TRIM2: variants seen among roughly 807,000 people sequenced by gnomAD.
TRIM2 encodes the protein tripartite motif containing 2.
In TRIM2, 20 loss-of-function variants were observed where a neutral mutation model predicts 75.2. The ratio of observed to expected loss-of-function variants is 0.27; its 90% CI spans 0.19 to 0.39. TRIM2 has a LOEUF of 0.39. Ranked by LOEUF, TRIM2 falls within the 10% of genes least tolerant of loss-of-function variation. TRIM2 has a pLI of 1.00. For synonymous variants in TRIM2, 373 were observed against 388.3 expected (o/e 0.96, Z 0.46); for missense variants, 660 against 990.8 (o/e 0.67, Z 4.48).
chr4:153,268,744 T>G (rs1423333154), intron 1 of TRIM2, among the ~76,000 whole-genome samples: 1 of 152,182 alleles, frequency 6.6e-6, no homozygotes, highest in East Asian at 1.9e-4. Context: ...TCTCTTGTGC[T>G]CTCAAACTCT....
rs369667879 is a variant in TRIM2, at chr4:153,318,225, A to G, written c.1782+2226A>G. ...GAATTCTAAAGATTACTCAAAGTGT[A>G]CTTATTGGTTTCTTTCTGGAAGAAT... On this transcript the variant is annotated intron_variant, in intron 8 of 11. Coordinates refer to ENST00000338700, the MANE Select transcript of TRIM2 (RefSeq NM_015271.5). Among the ~76,000 whole-genome samples the G allele has an allele frequency of 1.1e-4, 17 of 152,282 alleles. 1 individual carries two copies. Among genetic ancestry groups the G allele is most frequent in the Admixed American group, 6.5e-5 (1 of 15,290 alleles).
intron 11 of TRIM2, among the ~76,000 whole-genome samples, chr4:153,331,772 T>C (rs1040183846): frequency 6.6e-6 from 1 of 152,232 alleles, no homozygotes; most frequent in Non-Finnish European, 1.5e-5. Context: ...TAATCAAGGC[T>C]ATGTAATATG....
chr4:153,231,281 C>T (rs1430580560), intron 1 of TRIM2, among the ~76,000 whole-genome samples: 6 of 152,050 alleles, frequency 3.9e-5, no homozygotes, highest in Non-Finnish European at 7.4e-5. Context: ...GTCATGTGAA[C>T]AAGACAATCA....
At chr4:153,329,554 G>C (rs1450564451) in intron 11 of TRIM2, among the ~76,000 whole-genome samples, 2 of 151,748 alleles carry the variant, frequency 1.3e-5, no homozygotes, top group Admixed American at 1.3e-4. Context: ...CGAAATTAAA[G>C]GCTGGGCGCT....
chr4:153,309,633 C>A (rs1216621002), intron 6 of TRIM2: 2 of 131,506 alleles, frequency 1.5e-5, no homozygotes, highest in African/African-American at 5.6e-5. Flanking sequence ...GCATTAACTT[C>A]TTTTTTTTTT....
intron 1 of TRIM2, among the ~76,000 whole-genome samples, chr4:153,153,584 C>G (rs1052466413): frequency 3.9e-5 from 6 of 152,258 alleles, no homozygotes; most frequent in African/African-American, 1.4e-4. Flanking sequence ...GCAGGCAGCC[C>G]CGTCCCGCCC....
At chr4:153,218,420 G>A (rs535865364) in intron 1 of TRIM2, among the ~76,000 whole-genome samples, 5 of 152,256 alleles carry the variant, frequency 3.3e-5, no homozygotes, top group African/African-American at 1.2e-4. Context: ...ACGTTGCCCA[G>A]GGTGGCCTCC....
chr4:153,294,264 G>A, intron 4 of TRIM2, 41 bp from the exon 5 acceptor site: 1 of 1,595,776 alleles, frequency 6.3e-7, no homozygotes, highest in Non-Finnish European at 8.5e-7. Flanking sequence ...GAATATTTCT[G>A]GGTTGAGGTT....
In TRIM2 at chr4:153,219,597, G is replaced by A. The variant is rs192063303; in HGVS notation, c.30+15037G>A. Among the ~76,000 whole-genome samples, 22 of 152,250 alleles carry A rather than the reference G, an allele frequency of 1.4e-4. 1 individual carries two copies. Among genetic ancestry groups the A allele is most frequent in the Non-Finnish European group, 2.4e-4 (16 of 68,004 alleles). ...AGAATTTTAAAAATGGGCCTAGAAC[G>A]GTAGCTTACGCCTGTAACTCAACAC... On this transcript the variant is annotated intron_variant, in intron 1 of 11. Transcript: ENST00000338700.
chr4:153,300,745 G>T (rs1187328656), intron 6 of TRIM2, among the ~76,000 whole-genome samples: 1 of 151,970 alleles, frequency 6.6e-6, no homozygotes, highest in Non-Finnish European at 1.5e-5. Flanking sequence ...GGATGGTCTT[G>T]ATCTCTTGAC....
intron 1 of TRIM2, among the ~76,000 whole-genome samples, chr4:153,230,565 T>C (rs148952611): frequency 4.6e-5 from 7 of 152,352 alleles, no homozygotes; most frequent in African/African-American, 1.7e-4. Flanking sequence ...GCATAACATA[T>C]TACCTTGTTG....
chr4:153,258,007 A>G (rs1476382668), intron 1 of TRIM2, among the ~76,000 whole-genome samples: 1 of 152,198 alleles, frequency 6.6e-6, no homozygotes, highest in Non-Finnish European at 1.5e-5. Context: ...TATTTTTACC[A>G]GTCTTTATTT....
At chr4:153,184,344 C>T (rs1252085890) in intron 1 of TRIM2, among the ~76,000 whole-genome samples, 2 of 152,214 alleles carry the variant, frequency 1.3e-5, no homozygotes, top group East Asian at 1.9e-4. Context: ...GATGTGCACA[C>T]GTGGAGAGAG....
intron 6 of TRIM2, among the ~76,000 whole-genome samples, chr4:153,299,929 C>T (rs565029043): frequency 3.3e-5 from 5 of 152,312 alleles, no homozygotes; most frequent in African/African-American, 7.2e-5. Flanking sequence ...GAGCTACCTG[C>T]GTCAGGAATA....
chr4:153,250,109 T>C (rs1047651840), intron 1 of TRIM2, among the ~76,000 whole-genome samples: 5 of 132,214 alleles, frequency 3.8e-5, no homozygotes, highest in African/African-American at 1.9e-4. Context: ...TTTGCTTGTC[T>C]TTTTTTTTTT....
intron 1 of TRIM2, among the ~76,000 whole-genome samples, chr4:153,209,316 CG>C (rs1736308857): frequency 6.6e-6 from 1 of 152,112 alleles, no homozygotes; most frequent in Admixed American, 6.5e-5. Flanking sequence ...TTTATCACTC[CG>C]ATATGTTCAA....
chr4:153,186,119 T>G (rs1317828589), intron 1 of TRIM2, among the ~76,000 whole-genome samples: 1 of 152,114 alleles, frequency 6.6e-6, no homozygotes, highest in Non-Finnish European at 1.5e-5. Context: ...CATCCTGCAA[T>G]GCACAGCACA....
At chr4:153,222,463 A>C (rs1740865349) in intron 1 of TRIM2, 2 of 152,242 alleles carry the variant, frequency 1.3e-5, no homozygotes, top group African/African-American at 4.8e-5. Flanking sequence ...GGCTGGCTGC[A>C]GGAGCCTTTA....
intron 10 of TRIM2, among the ~76,000 whole-genome samples, chr4:153,327,156 T>C (rs553794551): frequency 5.3e-5 from 8 of 152,292 alleles, no homozygotes; most frequent in African/African-American, 1.9e-4. Context: ...AAAATTTAAA[T>C]ATGGCATCTT....
Sources: gnomAD v4.1 joint callset for allele counts (sites outside exome capture counted in the v4.1 genomes callset) on GRCh38, gnomAD v4.1.1 for gene constraint, MANE v1.5 for transcripts, NCBI Gene and HGNC (gene_info 2026-07-23, HGNC 2026-07-21) for gene names.